The following PIK3CB variants were observed in gnomAD, a reference collection of about 807,000 sequenced individuals.
The protein encoded by PIK3CB is phosphatidylinositol-4,5-bisphosphate 3-kinase catalytic subunit beta.
Under a neutral mutation model 136.8 loss-of-function variants are expected in PIK3CB, and 39 were observed. The observed-to-expected ratio is 0.29, with a 90% CI of 0.22 to 0.37. The LOEUF (loss-of-function observed/expected upper bound fraction) is 0.37. PIK3CB is among the 10% of genes least tolerant of loss of function. PIK3CB has a pLI of 1.00. For missense variants in PIK3CB, 868 were observed against 1,275.4 expected (o/e 0.68, Z 4.87); for synonymous variants, 428 against 436.6 (o/e 0.98, Z 0.25).
chr3:138,716,941 C>CTG (rs1439643900), intron 8 of PIK3CB, among the ~76,000 whole-genome samples: 1 of 100,648 alleles, frequency 9.9e-6, no homozygotes, highest in Admixed American at 1.1e-4. Flanking sequence ...ACCTTGTAAA[C>CTG]TGTGTGAAGA....
chr3:138,729,989 A>G (rs184199897), intron 8 of PIK3CB, among the ~76,000 whole-genome samples: 1 of 152,234 alleles, frequency 6.6e-6, no homozygotes, highest in East Asian at 1.9e-4. Context: ...TAAAGCTGCC[A>G]CCTTTTTTCA....
chr3:138,688,245 T>C (rs1403627620), intron 16 of PIK3CB, among the ~76,000 whole-genome samples: 1 of 152,112 alleles, frequency 6.6e-6, no homozygotes, highest in Non-Finnish European at 1.5e-5. Context: ...CTCACACATG[T>C]AATCCCAGCA....
chr3:138,733,034 C>T (rs984549827), intron 8 of PIK3CB, among the ~76,000 whole-genome samples: 4 of 151,050 alleles, frequency 2.6e-5, no homozygotes, highest in Admixed American at 2.0e-4. Flanking sequence ...TGAATTATTT[C>T]TCTCAACTTT....
chr3:138,826,370 G>T (rs1258682481), intron 1 of PIK3CB: 3 of 1,542,346 alleles, frequency 1.9e-6, no homozygotes, highest in East Asian at 2.2e-5. Context: ...TTAATCAGTG[G>T]TGGAAGAATA....
intron 3 of PIK3CB, among the ~76,000 whole-genome samples, chr3:138,756,548 T>C (rs2045572043): frequency 6.6e-6 from 1 of 152,198 alleles, no homozygotes; most frequent in East Asian, 1.9e-4. Flanking sequence ...AGAATGATCA[T>C]AATCAATCTC....
chr3:138,758,532 T>C (rs2045613256), intron 3 of PIK3CB, among the ~76,000 whole-genome samples: 1 of 152,222 alleles, frequency 6.6e-6, no homozygotes, highest in Non-Finnish European at 1.5e-5. Flanking sequence ...TATTTTCTTT[T>C]TACTTTAAGG....
At chr3:138,687,474 TC>T in intron 16 of PIK3CB, among the ~76,000 whole-genome samples, 1 of 152,316 alleles carries the variant, frequency 6.6e-6, no homozygotes, top group Non-Finnish European at 1.5e-5. Context: ...ACAATCTACT[TC>T]TTTTTTTGAG....
intron 1 of PIK3CB, among the ~76,000 whole-genome samples, chr3:138,821,803 TA>T (rs1241666181): frequency 2.0e-5 from 3 of 151,246 alleles, no homozygotes; most frequent in South Asian, 4.2e-4. Context: ...AAAATAAAAA[TA>T]AAAAAAGGAA....
chr3:138,704,389 T>G, intron 12 of PIK3CB, 54 bp downstream of exon 12: 1 of 1,181,120 alleles, frequency 8.5e-7, no homozygotes, highest in South Asian at 1.2e-5. Flanking sequence ...CAAAGATACC[T>G]AATAATGTGC....
intron 1 of PIK3CB, among the ~76,000 whole-genome samples, chr3:138,804,185 T>C (rs1027114055): frequency 1.3e-5 from 2 of 152,004 alleles, no homozygotes; most frequent in African/African-American, 2.4e-5. Flanking sequence ...CACAAATCAC[T>C]TGGCCTCTTA....
chr3:138,717,082 G>A (rs528437268), intron 8 of PIK3CB, among the ~76,000 whole-genome samples: 19 of 148,024 alleles, frequency 1.3e-4, no homozygotes, highest in African/African-American at 4.5e-4. Context: ...GGTAAAACTC[G>A]GTCTCTACTA....
chr3:138,819,326 G>A lies in PIK3CB; in HGVS notation c.-122+15369C>T, dbSNP rs1397752354. Among the ~76,000 whole-genome samples the A allele has an allele frequency of 2.0e-5, 3 of 149,766 alleles. No individual in the cohort carries two copies. In the South Asian group the frequency reaches 6.3e-4, roughly 32 times the overall value. On this transcript the variant is annotated intron_variant, in intron 1 of 23. Coordinates refer to ENST00000674063, the MANE Select transcript of PIK3CB (RefSeq NM_006219.3). ...TGCGCCATTGTCCTCCAGCCTGGGC[G>A]ACAGAGTGAGACTCCGTCTCCAAAA...
chr3:138,691,214 T>A, intron 14 of PIK3CB, 71 bp from the exon 15 acceptor site: 1 of 1,398,316 alleles, frequency 7.2e-7, no homozygotes, highest in Non-Finnish European at 9.9e-7. Context: ...GGTATCAAAC[T>A]ATCAAATGTG....
chr3:138,700,692 AAGAT>A (rs56054471), intron 12 of PIK3CB, among the ~76,000 whole-genome samples: 93,255 of 143,676 alleles, frequency 0.65, 30,444 homozygotes, highest in East Asian at 0.74. Flanking sequence ...TGACTCTAAA[AAGAT>A]AGATAGATAG....
intron 1 of PIK3CB, among the ~76,000 whole-genome samples, chr3:138,820,915 CAAT>C (rs1933531463): frequency 6.6e-6 from 1 of 152,106 alleles, no homozygotes; most frequent in Non-Finnish European, 1.5e-5. Context: ...CCATTATAAA[CAAT>C]AATGCAACAA....
At chr3:138,689,623 T>C (rs1445350176) in intron 15 of PIK3CB, among the ~76,000 whole-genome samples, 1 of 152,222 alleles carries the variant, frequency 6.6e-6, no homozygotes, top group Non-Finnish European at 1.5e-5. Flanking sequence ...ATGGGTCAAC[T>C]TTCCAATTTG....
At chr3:138,810,031 A>AAC (rs1213412408) in intron 1 of PIK3CB, among the ~76,000 whole-genome samples, 1 of 151,928 alleles carries the variant, frequency 6.6e-6, no homozygotes, top group Admixed American at 6.6e-5. Context: ...CACACACACG[A>AAC]ACACACACAC....
intron 6 of PIK3CB, among the ~76,000 whole-genome samples, chr3:138,735,436 T>C (rs978963812): frequency 2.0e-5 from 3 of 152,160 alleles, no homozygotes; most frequent in Non-Finnish European, 4.4e-5. Context: ...AAAACCTAGA[T>C]TTAAACCCAT....
At chr3:138,696,724 C>A (rs2044144999) in intron 13 of PIK3CB, among the ~76,000 whole-genome samples, 1 of 152,140 alleles carries the variant, frequency 6.6e-6, no homozygotes, top group Admixed American at 6.5e-5. Flanking sequence ...AAAGCACCAA[C>A]CTCATCCCCA....
Sources: allele counts gnomAD v4.1 joint callset (sites outside exome capture counted in the v4.1 genomes callset), GRCh38; gene constraint gnomAD v4.1.1; transcripts MANE v1.5; gene names NCBI Gene and HGNC (gene_info 2026-07-23, HGNC 2026-07-21).